Variants in RAD23B observed in about 807,000 individuals in gnomAD.
The protein encoded by RAD23B is RAD23 nucleotide excision repair protein B.
A neutral mutation model predicts 49.1 loss-of-function variants in RAD23B; 5 were observed. The observed-to-expected ratio is 0.10, with a 90% confidence interval of 0.05 to 0.21. The LOEUF (loss-of-function observed/expected upper bound fraction) is 0.21. RAD23B is among the 10% of genes least tolerant of loss of function. The pLI, the probability that RAD23B is intolerant of heterozygous loss-of-function variation, is 1.00. For missense variants in RAD23B, 356 were observed against 486.7 expected, an observed-to-expected ratio of 0.73 and a Z score of 2.53; for synonymous variants, 184 against 165.4, an observed-to-expected ratio of 1.11 and a Z score of -0.86.
Position 107,331,348 on chromosome 9 carries a change from C to T in RAD23B, c.*1692C>T, listed in dbSNP as rs1047696909. On this transcript the variant is annotated 3_prime_UTR_variant, in exon 10 of 10. Coordinates refer to ENST00000358015, the MANE Select transcript of RAD23B (RefSeq NM_002874.5). ...CGAAACCCCGTCTATACTAAAAATA[C>T]AAAAAATAGCCAGGCATGGTGGCGC... 8 of 213,860 alleles carry T rather than the reference C, an allele frequency of 3.7e-5. No individual in the cohort carries two copies. Among genetic ancestry groups the T allele is most frequent in the African/African-American group, 1.8e-4 (8 of 43,442 alleles). The allele number at this position is 213,860 out of a possible 1,614,324, so 13.2% of individuals were successfully genotyped here.
At chr9:107,309,452 A>G (rs190995124) in intron 4 of RAD23B, among the ~76,000 whole-genome samples, 11 of 152,194 alleles carry the variant, frequency 7.2e-5, no homozygotes, top group African/African-American at 2.2e-4. Flanking sequence ...AACATTGTTC[A>G]TTTTCTGTGG....
At position 107,325,095 on chromosome 9, in the gene RAD23B, A is replaced by G. The variant is rs771173580; in HGVS notation, c.1116+91A>G. The G allele has an allele frequency of 7.1e-6, 9 of 1,274,292 alleles. No individual in the cohort carries two copies. In the African/African-American group the frequency reaches 1.1e-4, roughly 15 times the overall value. 78.9% of individuals were successfully genotyped at this position (1,274,292 alleles called of 1,614,324 possible). A position where few individuals can be genotyped will look rare whatever the true frequency, so the allele number is the denominator to read the frequency against. ...TTTGGGAGGCCAAGGCAGGTGGATC[A>G]CCTGAGGTCAGGAGTTCAAGACCAG... On this transcript the variant is annotated intron_variant, in intron 9 of 9. Transcript: ENST00000358015.
chr9:107,297,320 T>C (rs1189561851), intron 1 of RAD23B, among the ~76,000 whole-genome samples: 1 of 152,074 alleles, frequency 6.6e-6, no homozygotes, highest in Non-Finnish European at 1.5e-5. Flanking sequence ...CCCATTGTTA[T>C]GTTCTTAATA....
intron 2 of RAD23B, among the ~76,000 whole-genome samples, chr9:107,300,738 G>A (rs1826633119): frequency 6.6e-6 from 1 of 152,112 alleles, no homozygotes; most frequent in African/African-American, 2.4e-5. Flanking sequence ...TTATACATTT[G>A]ACTAGCCTCA....
chr9:107,298,720 TAATA>T (rs1418523378), intron 1 of RAD23B, among the ~76,000 whole-genome samples: 1 of 151,526 alleles, frequency 6.6e-6, no homozygotes, highest in Non-Finnish European at 1.5e-5. Flanking sequence ...AAACTTATTA[TAATA>T]AATATTATAC....
chr9:107,295,010 G>A (rs1220661362), intron 1 of RAD23B, among the ~76,000 whole-genome samples: 1 of 151,548 alleles, frequency 6.6e-6, no homozygotes, highest in Non-Finnish European at 1.5e-5. Context: ...GGATTAAGAA[G>A]TGTGGTATCA....
In RAD23B at chr9:107,318,728, T is replaced by C; in HGVS notation, c.554-24T>C. The C allele has an allele frequency of 1.3e-6, 2 of 1,592,560 alleles. No individual in the cohort carries two copies. Among genetic ancestry groups the C allele is most frequent in the Non-Finnish European group, 8.6e-7 (1 of 1,165,474 alleles). ...GCTTATTTATTAAATGTTCCTTTTTTTCCCCTCCACCCTCCCTTTTTAGTG... is the reference window on the plus strand; with the variant it reads ...GCTTATTTATTAAATGTTCCTTTTTCTCCCCTCCACCCTCCCTTTTTAGTG... On this transcript the variant is annotated intron_variant, in intron 5 of 9. Coordinates refer to ENST00000358015, the MANE Select transcript of RAD23B (RefSeq NM_002874.5). The surrounding 1 kb of genome is among the most constrained non-coding windows in gnomAD (Gnocchi z 4.3).
intron 8 of RAD23B, among the ~76,000 whole-genome samples, chr9:107,324,321 A>G (rs1297354945): frequency 6.6e-6 from 1 of 152,216 alleles, no homozygotes; most frequent in African/African-American, 2.4e-5. Flanking sequence ...TTAACAGAGA[A>G]ACTGCCTAAC....
intron 2 of RAD23B, among the ~76,000 whole-genome samples, chr9:107,300,877 T>G (rs1005634835): frequency 6.6e-6 from 1 of 152,200 alleles, no homozygotes; most frequent in Non-Finnish European, 1.5e-5. Flanking sequence ...TTCTGAATAG[T>G]GTTTCCTAAA....
intron 1 of RAD23B, among the ~76,000 whole-genome samples, chr9:107,286,847 C>T (rs944538372): frequency 4.6e-5 from 7 of 151,782 alleles, no homozygotes; most frequent in South Asian, 2.1e-4. Flanking sequence ...CCGAGGTGGG[C>T]GGATCACAAG....
At chr9:107,311,595 T>G (rs1826887906) in intron 4 of RAD23B, 87 bp from the exon 5 acceptor site, 1 of 852,458 alleles carries the variant, frequency 1.2e-6, no homozygotes, top group South Asian at 1.8e-5. Flanking sequence ...TCAAAGAATC[T>G]GTTTACCAAT....
Position 107,318,601 on chromosome 9 carries a change from T to C in RAD23B, c.554-151T>C. The C allele has an allele frequency of 1.3e-6, 1 of 796,472 alleles. No homozygotes were observed. Among genetic ancestry groups the C allele is most frequent in the Non-Finnish European group, 1.9e-6 (1 of 539,318 alleles). The allele number at this position is 796,472 out of a possible 1,614,324, so 49.3% of individuals were successfully genotyped here. On this transcript the variant is annotated intron_variant, in intron 5 of 9. Transcript: ENST00000358015. This position sits in a 1 kb window ranked among gnomAD's most constrained non-coding sequence, Gnocchi z 4.3. Reference sequence around the variant, plus strand: ...AGGGCATCTTTGGGGGACCATTACCTACTACATATATGTTGTAATTTATAC... The same window carrying C: ...AGGGCATCTTTGGGGGACCATTACCCACTACATATATGTTGTAATTTATAC...
chr9:107,319,216 C>T (rs996273082), intron 6 of RAD23B, among the ~76,000 whole-genome samples: 7 of 145,818 alleles, frequency 4.8e-5, no homozygotes, highest in African/African-American at 1.8e-4. Context: ...CCACAAGCTC[C>T]ACCTCCCAGG....
intron 9 of RAD23B, among the ~76,000 whole-genome samples, chr9:107,328,535 C>G (rs1256831413): frequency 6.6e-6 from 1 of 152,188 alleles, no homozygotes; most frequent in African/African-American, 2.4e-5. Context: ...AGGGTTCATG[C>G]TCATATGAGA....
At chr9:107,298,040 G>A (rs972801121) in intron 1 of RAD23B, among the ~76,000 whole-genome samples, 1 of 152,138 alleles carries the variant, frequency 6.6e-6, no homozygotes. Flanking sequence ...TATGCATAGA[G>A]ATACACTTGG....
chr9:107,302,224 A>C, intron 3 of RAD23B, 110 bp downstream of exon 3: 1 of 1,369,808 alleles, frequency 7.3e-7, no homozygotes. Flanking sequence ...AGTGGTGTAC[A>C]CTTAACTACT....
intron 1 of RAD23B, among the ~76,000 whole-genome samples, chr9:107,299,533 T>C (rs11573658): frequency 0.022 from 3,358 of 152,350 alleles, 117 homozygotes; most frequent in African/African-American, 0.074. Flanking sequence ...GAAGCTAAGC[T>C]GCTTGTTTAA....
intron 1 of RAD23B, among the ~76,000 whole-genome samples, chr9:107,286,910 AAAAAAATAC>A (rs1461418660): frequency 2.0e-5 from 3 of 150,444 alleles, no homozygotes; most frequent in African/African-American, 7.5e-5. Context: ...GTCTCTACTA[AAAAAAATAC>A]AAAAAATTAG....
intron 5 of RAD23B, among the ~76,000 whole-genome samples, chr9:107,312,457 A>G (rs888545681): frequency 6.6e-6 from 1 of 152,224 alleles, no homozygotes; most frequent in African/African-American, 2.4e-5. Context: ...GCAGGGTTCC[A>G]GCAGCAGTAC....
Sources: allele counts gnomAD v4.1 joint callset (sites outside exome capture counted in the v4.1 genomes callset), GRCh38; gene constraint gnomAD v4.1.1; non-coding constraint Gnocchi (gnomAD v3.1); transcripts MANE v1.5; gene names NCBI Gene and HGNC (gene_info 2026-07-23, HGNC 2026-07-21).